Variants in TBC1D5 observed in about 807,000 individuals in gnomAD.
TBC1D5 encodes TBC1 domain family, member 5.
A neutral mutation model predicts 100.3 loss-of-function variants in TBC1D5; 75 were observed. The ratio of observed to expected loss-of-function variants is 0.75; its 90% CI spans 0.62 to 0.91. The LOEUF (loss-of-function observed/expected upper bound fraction) is 0.91, where lower values mean the gene tolerates loss of function less well. Ranked by LOEUF, TBC1D5 falls within the 40% of genes least tolerant of loss-of-function variation. The pLI, the probability that TBC1D5 is intolerant of heterozygous loss-of-function variation, is 0.00. For missense variants in TBC1D5, 910 were observed against 942.4 expected, an observed-to-expected ratio of 0.97 and a Z score of 0.45; for synonymous variants, 323 against 325.6, an observed-to-expected ratio of 0.99 and a Z score of 0.09.
chr3:17,359,959 C>T (rs1262619128), intron 13 of TBC1D5, among the ~76,000 whole-genome samples: 1 of 151,784 alleles, frequency 6.6e-6, no homozygotes, highest in Admixed American at 6.6e-5. Flanking sequence ...GATGTTTTAC[C>T]CACATTTAAC....
At chr3:17,713,086 C>T (rs1207549490) in intron 1 of TBC1D5, among the ~76,000 whole-genome samples, 1 of 152,196 alleles carries the variant, frequency 6.6e-6, no homozygotes, top group Non-Finnish European at 1.5e-5. Flanking sequence ...TGGTTCTTTT[C>T]TGACCTGTCA....
intron 16 of TBC1D5, among the ~76,000 whole-genome samples, chr3:17,258,208 T>C (rs550981084): frequency 8.4e-4 from 128 of 152,208 alleles, no homozygotes; most frequent in African/African-American, 2.8e-3. Context: ...AGCAAAAATC[T>C]AGAAAGAGAT....
In TBC1D5 at chr3:17,493,848, GCTT is replaced by G. The variant is rs2095668893; in HGVS notation, c.97+14623_97+14625del. Among the ~76,000 whole-genome samples the G allele has an allele frequency of 2.0e-5, 3 of 152,094 alleles. No individual in the cohort carries two copies. In the South Asian group the frequency reaches 6.2e-4, roughly 32 times the overall value. ...CTGTAATATTTTATCATAGTTCTTA[GCTT>G]CTTTGCATTGGGTTAGAACATACTC... is the stretch of plus-strand genomic sequence containing the variant. On this transcript the variant is annotated intron_variant, in intron 3 of 21. Coordinates refer to ENST00000253692, the Ensembl canonical transcript of TBC1D5.
intron 8 of TBC1D5, among the ~76,000 whole-genome samples, chr3:17,387,713 A>G (rs1229375236): frequency 6.6e-6 from 1 of 151,634 alleles, no homozygotes; most frequent in African/African-American, 2.4e-5. Flanking sequence ...TTTGAACATC[A>G]GTCTAACCCA....
At chr3:17,520,088 A>G (rs2096047009) in intron 2 of TBC1D5, among the ~76,000 whole-genome samples, 2 of 152,328 alleles carry the variant, frequency 1.3e-5, no homozygotes, top group African/African-American at 2.4e-5. Flanking sequence ...AACAAACTAC[A>G]TTACTTAGAA....
chr3:17,290,168 G>A (rs1377808811), intron 15 of TBC1D5, among the ~76,000 whole-genome samples: 1 of 152,010 alleles, frequency 6.6e-6, no homozygotes, highest in East Asian at 1.9e-4. Context: ...TGTGAAGGTG[G>A]GGAATTCCCT....
At chr3:17,178,317 G>C (rs1407558552) in intron 19 of TBC1D5, among the ~76,000 whole-genome samples, 3 of 151,758 alleles carry the variant, frequency 2.0e-5, no homozygotes, top group African/African-American at 7.3e-5. Context: ...CACCCACCTC[G>C]GCCTCCCAAA....
At chr3:17,458,152 C>T (rs895730661) in intron 3 of TBC1D5, among the ~76,000 whole-genome samples, 2 of 152,144 alleles carry the variant, frequency 1.3e-5, no homozygotes, top group African/African-American at 2.4e-5. Context: ...AACACTGTGA[C>T]CCTAAGTCTG....
intron 15 of TBC1D5, among the ~76,000 whole-genome samples, chr3:17,277,873 C>A (rs1415403056): frequency 1.3e-5 from 2 of 152,222 alleles, no homozygotes; most frequent in East Asian, 3.8e-4. Context: ...ACTGCACCCT[C>A]ATCAGGCCTC....
intron 1 of TBC1D5, among the ~76,000 whole-genome samples, chr3:17,669,758 T>C (rs1315768526): frequency 2.0e-5 from 3 of 152,196 alleles, no homozygotes; most frequent in Non-Finnish European, 2.9e-5. Flanking sequence ...ACATATAACC[T>C]TTAATAAATG....
intron 12 of TBC1D5, among the ~76,000 whole-genome samples, chr3:17,373,261 A>T (rs11708391): frequency 1.3e-5 from 2 of 151,898 alleles, no homozygotes; most frequent in African/African-American, 4.8e-5. Context: ...ACATCGATTA[A>T]CTATTTCATT....
chr3:17,283,037 G>A (rs953747544), intron 15 of TBC1D5, among the ~76,000 whole-genome samples: 1 of 152,192 alleles, frequency 6.6e-6, no homozygotes, highest in African/African-American at 2.4e-5. Context: ...GAAACTTCTA[G>A]GAATTCTACT....
intron 1 of TBC1D5, among the ~76,000 whole-genome samples, chr3:17,651,314 A>G (rs987196481): frequency 5.9e-5 from 9 of 152,212 alleles, no homozygotes; most frequent in Non-Finnish European, 1.0e-4. Flanking sequence ...ATGTAAGAAA[A>G]CAGCTTTACG....
chr3:17,352,937 TAAAC>T (rs2090807111), intron 13 of TBC1D5, among the ~76,000 whole-genome samples: 1 of 152,084 alleles, frequency 6.6e-6, no homozygotes, highest in African/African-American at 2.4e-5. Flanking sequence ...TCAAACACAC[TAAAC>T]AAACTTAAAC....
At chr3:17,529,173 C>G (rs1161808379) in intron 2 of TBC1D5, among the ~76,000 whole-genome samples, 1 of 151,210 alleles carries the variant, frequency 6.6e-6, no homozygotes, top group Non-Finnish European at 1.5e-5. Context: ...CTAAGAGAAT[C>G]TACAAGCCCC....
intron 19 of TBC1D5, among the ~76,000 whole-genome samples, chr3:17,177,519 G>A (rs1264200339): frequency 1.3e-5 from 2 of 152,190 alleles, no homozygotes; most frequent in Non-Finnish European, 2.9e-5. Context: ...GAAGCATGGG[G>A]TTATGAATAT....
rs1333096967 is a variant in TBC1D5, at chr3:17,681,950, TGCAAGG to T, written c.-101+57387_-101+57392del. Among the ~76,000 whole-genome samples the T allele has an allele frequency of 2.6e-5, 4 of 151,558 alleles. 1 individual carries two copies. Among genetic ancestry groups the T allele is most frequent in the African/African-American group, 9.8e-5 (4 of 40,840 alleles). On this transcript the variant is annotated intron_variant, in intron 1 of 21. Coordinates refer to ENST00000253692, the Ensembl canonical transcript of TBC1D5. ...TGCAAACCCTACCGTGAACTGCGCA[TGCAAGG>T]GAGCTAGGTTGCCTGCACCTTATGA...
intron 2 of TBC1D5, among the ~76,000 whole-genome samples, chr3:17,621,211 G>C (rs1161263101): frequency 2.6e-5 from 4 of 152,158 alleles, no homozygotes; most frequent in Admixed American, 1.3e-4. Flanking sequence ...ATGTGTCCAT[G>C]TATGTTTTTC....
At chr3:17,320,006 C>T (rs1273420388) in intron 13 of TBC1D5, among the ~76,000 whole-genome samples, 1 of 152,130 alleles carries the variant, frequency 6.6e-6, no homozygotes, top group Non-Finnish European at 1.5e-5. Flanking sequence ...GTGTAGTATT[C>T]CATAAGTGGA....
Sources: gnomAD v4.1 joint callset for allele counts (sites outside exome capture counted in the v4.1 genomes callset) on GRCh38, gnomAD v4.1.1 for gene constraint, MANE v1.5 for transcripts, NCBI Gene and HGNC (gene_info 2026-07-23, HGNC 2026-07-21) for gene names.